The following CCDC88B variants were observed in gnomAD, a reference collection of about 807,000 sequenced individuals.
CCDC88B encodes the protein coiled-coil domain-containing protein 88B.
A neutral mutation model predicts 183.7 loss-of-function variants in CCDC88B; 138 were observed. The ratio of observed to expected loss-of-function variants is 0.75; its 90% confidence interval spans 0.65 to 0.87. CCDC88B has a LOEUF of 0.87. CCDC88B is among the 40% of genes least tolerant of loss of function. CCDC88B has a pLI of 0.00. For synonymous variants in CCDC88B, 835 were observed against 867.5 expected, an observed-to-expected ratio of 0.96 and a Z score of 0.66; for missense variants, 1,822 against 1,965.6, an observed-to-expected ratio of 0.93 and a Z score of 1.38.
In CCDC88B at chr11:64,349,353, G is replaced by A. The variant is rs186796608; in HGVS notation, c.2639G>A (p.Arg880Gln). 1.9e-5 allele frequency: 30 copies of A among 1,611,534 alleles called. No individual in the cohort carries two copies. In the East Asian group the frequency reaches 3.6e-4, roughly 19 times the overall value. Reference protein sequence around the residue: ...LQAELEKAVVRGKELGDRLEH... With the variant: ...LQAELEKAVVQGKELGDRLEH... ...CAGGAGCTGGAGAAAGCTGTGGTGC[G>A]GGGCAAGGAGTTGGGGGACCGGCTG... Residue 880 changes from arginine to glutamine, a missense_variant, in exon 15 of 27, where the codon CGG becomes CAG. By Grantham distance (43) the Arg-to-Gln change is conservative. Coordinates refer to ENST00000356786, the MANE Select transcript of CCDC88B (RefSeq NM_032251.6).
chr11:64,343,872 T>G lies in CCDC88B; in HGVS notation c.1413T>G (p.Leu471=). Residue 471 remains leucine (L), a synonymous_variant, in exon 13 of 27, where the codon CTT becomes CTG. Coordinates refer to ENST00000356786, the MANE Select transcript of CCDC88B (RefSeq NM_032251.6). The part of the protein sequence containing the change: ...LRTLERENRE[L]RGLLQVLQGQ... ...CCCTTGAGAGGGAGAACCGGGAGCT[T>G]CGGGGGCTGCTTCAGGTGCTTCAGG... The G allele has an allele frequency of 1.9e-6, 3 of 1,605,418 alleles. No homozygotes were observed. The highest frequency in any genetic ancestry group is 2.6e-6 in the Non-Finnish European group (3 of 1,176,378).
Position 64,353,980 on chromosome 11 carries a change from C to T in CCDC88B, c.3933-24C>T, listed in dbSNP as rs370555215. The T allele has an allele frequency of 1.1e-5, 17 of 1,512,436 alleles. No homozygotes were observed. The African/African-American group carries it at 2.1e-4, about 19-fold the overall frequency. 93.7% of individuals were successfully genotyped at this position (1,512,436 alleles called of 1,614,324 possible). A position where few individuals can be genotyped will look rare whatever the true frequency, so the allele number is the denominator to read the frequency against. Reference sequence around the variant, plus strand: ...CCCTCCCTCCTCCCTGTCCTGACCCCCTCTTGTGCCCTCTTGCCCCCAGGA... The same window carrying T: ...CCCTCCCTCCTCCCTGTCCTGACCCTCTCTTGTGCCCTCTTGCCCCCAGGA... On this transcript the variant is annotated intron_variant, in intron 23 of 26. Coordinates refer to ENST00000356786, the MANE Select transcript of CCDC88B (RefSeq NM_032251.6).
At position 64,352,746 on chromosome 11, in the gene CCDC88B, A is replaced by G. The variant is rs1187996643; in HGVS notation, c.3359A>G (p.His1120Arg). ...ELAHRELQGR[H>R]EQLQAQRASV... ...TCTTAGCCCCTTGTCCATCCCAGGCACGAGCAGCTGCAGGCCCAGCGGGCC... is the reference window on the plus strand; with the variant it reads ...TCTTAGCCCCTTGTCCATCCCAGGCGCGAGCAGCTGCAGGCCCAGCGGGCC... The change falls in exon 20 of 27, where the codon CAC (histidine) becomes CGC (arginine). Residue 1120 changes from histidine to arginine, a missense_variant and splice_region_variant. Coordinates refer to ENST00000356786, the MANE Select transcript of CCDC88B (RefSeq NM_032251.6). 2 of 1,613,494 alleles carry G rather than the reference A, an allele frequency of 1.2e-6. No homozygotes were observed. The highest frequency in any genetic ancestry group is 4.5e-5 in the East Asian group (2 of 44,882).
Position 64,343,898 on chromosome 11 carries a change from G to T in CCDC88B, c.1439G>T (p.Gly480Val). 6.2e-7 allele frequency: 1 copy of T among 1,604,214 alleles called. No individual in the cohort carries two copies. The change falls in exon 13 of 27, where the codon GGG (glycine) becomes GTG (valine). Residue 480 changes from glycine to valine, a missense_variant. Gly to Val is a moderately radical substitution (Grantham distance 109). Coordinates refer to ENST00000356786, the MANE Select transcript of CCDC88B (RefSeq NM_032251.6). Reference sequence around the variant, plus strand: ...CGGGGGCTGCTTCAGGTGCTTCAGGGGCAGCCAGGGGGCCAGGTAAGTCCC... The same window carrying T: ...CGGGGGCTGCTTCAGGTGCTTCAGGTGCAGCCAGGGGGCCAGGTAAGTCCC... ...ELRGLLQVLQ[G>V]QPGGQHPLLE...
At position 64,351,596 on chromosome 11, in the gene CCDC88B, G is replaced by C. The variant is rs1004314710; in HGVS notation, c.3079G>C (p.Glu1027Gln). 1 of 1,564,846 alleles carries C rather than the reference G, an allele frequency of 6.4e-7. No individual in the cohort carries two copies. Among genetic ancestry groups the C allele is most frequent in the South Asian group, 1.2e-5 (1 of 86,794 alleles). ...GCTGCTGCAGAGCCAGCGGGCGCAGGAGCACAGCAGCCGCCTGCAGGTGGG... is the reference window on the plus strand; with the variant it reads ...GCTGCTGCAGAGCCAGCGGGCGCAGCAGCACAGCAGCCGCCTGCAGGTGGG... Reference protein sequence around the residue: ...ELLLQSQRAQEHSSRLQAEKS... With the variant: ...ELLLQSQRAQQHSSRLQAEKS... Residue 1027 changes from glutamate to glutamine, a missense_variant, in exon 18 of 27, where the codon GAG becomes CAG. Physicochemically the swap from Glu to Gln is conservative, Grantham distance 29 (BLOSUM62 2). Transcript: ENST00000356786.
intron 8 of CCDC88B, 67 bp downstream of exon 8, chr11:64,342,206 A>C: frequency 6.3e-7 from 1 of 1,588,146 alleles, no homozygotes. Flanking sequence ...ATGGGACCCT[A>C]GCCCTGGTGG....
rs1327080153 is a variant in CCDC88B at position 64,344,488 on chromosome 11, G to C, written c.1947G>C (p.Lys649Asn). The C allele has an allele frequency of 2.5e-6, 4 of 1,606,330 alleles. No homozygotes were observed. The highest frequency in any genetic ancestry group is 3.4e-6 in the Non-Finnish European group (4 of 1,176,164). Residue 649 changes from lysine to asparagine, a missense_variant, in exon 14 of 27, where the codon AAG (lysine) becomes AAC (asparagine). Transcript: ENST00000356786. The surrounding 1 kb of genome is among the most constrained non-coding windows in gnomAD (Gnocchi z 4.5). ...TGAGACAGGAGGGCCCTGAGCACAA[G>C]CCAGGGCCTTCGGAGCCCAGCTCTG... ...WGLRQEGPEH[K>N]PGPSEPSSVQ... is the part of the protein sequence containing the mutation.
Position 64,345,157 on chromosome 11 carries a change from G to A in CCDC88B, c.2616G>A (p.Ala872=), listed in dbSNP as rs750462651. The change falls in exon 14 of 27, where the codon GCG becomes GCA. Residue 872 remains alanine, a splice_region_variant and synonymous_variant. Transcript: ENST00000356786. ...RERREKEALQ[A]ELEKAVVRGK... is the part of the protein sequence containing the mutation. ...GCCGGGAGAAGGAGGCCCTCCAGGC[G>A]GTAGGTCAGGTTGGGGCTCACCGCT... 13 of 1,539,178 alleles carry A rather than the reference G, an allele frequency of 8.4e-6. No homozygotes were observed. Among genetic ancestry groups the A allele is most frequent in the Non-Finnish European group, 1.1e-5 (13 of 1,148,646 alleles).
At chr11:64,345,182 T>C in intron 14 of CCDC88B, 25 bp downstream of exon 14, 1 of 1,533,554 alleles carries the variant, frequency 6.5e-7, no homozygotes, top group Non-Finnish European at 8.7e-7. Context: ...GGCTCACCGC[T>C]GGGGTTGGGA....
chr11:64,351,200 C>T lies in CCDC88B; in HGVS notation c.2903C>T (p.Ala968Val), dbSNP rs750284475. Residue 968 changes from alanine to valine, a missense_variant, in exon 17 of 27, where the codon GCG becomes GTG. Coordinates refer to ENST00000356786, the MANE Select transcript of CCDC88B (RefSeq NM_032251.6). ...GCGGGGCTGGGGCCCAAAAAGCGTG[C>T]GGAGCCTCAGCTGGTGGAGACCCAG... ...GPAGLGPKKR[A>V]EPQLVETQNV... 1.2e-5 allele frequency: 18 copies of T among 1,521,356 alleles called. No homozygotes were observed. The highest frequency in any genetic ancestry group is 2.3e-5 in the Admixed American group (1 of 43,630). The allele number at this position is 1,521,356 out of a possible 1,614,324, so 94.2% of individuals were successfully genotyped here.
intron 14 of CCDC88B, among the ~76,000 whole-genome samples, chr11:64,348,012 T>G (rs899674859): frequency 1.6e-5 from 2 of 128,434 alleles, no homozygotes; most frequent in African/African-American, 3.0e-5. Context: ...ATCGCGCCAC[T>G]GCAGTCCAGT....
rs748413045 is a variant in CCDC88B at position 64,354,051 on chromosome 11, G to T, written c.3980G>T (p.Arg1327Leu). Reference sequence around the variant, plus strand: ...AAGGTGAAGAGGCTGATGCGGCCCCGGCGGGAGGGGGGCCCCCCTGGGGGG... The same window carrying T: ...AAGGTGAAGAGGCTGATGCGGCCCCTGCGGGAGGGGGGCCCCCCTGGGGGG... ...ADKVKRLMRP[R>L]REGGPPGGLR... The change falls in exon 24 of 27, where the codon CGG (arginine) becomes CTG (leucine). Residue 1327 changes from arginine (R) to leucine (L), a missense_variant. Arg to Leu is a moderately radical substitution (Grantham distance 102). Coordinates refer to ENST00000356786, the MANE Select transcript of CCDC88B (RefSeq NM_032251.6). The T allele has an allele frequency of 2.3e-5, 33 of 1,450,120 alleles. No individual in the cohort carries two copies. The highest frequency in any genetic ancestry group is 3.0e-5 in the Non-Finnish European group (33 of 1,095,810). The allele number at this position is 1,450,120 out of a possible 1,614,324, so 89.8% of individuals were successfully genotyped here.
At chr11:64,346,353 C>T (rs1247329475) in intron 14 of CCDC88B, among the ~76,000 whole-genome samples, 2 of 152,136 alleles carry the variant, frequency 1.3e-5, no homozygotes, top group Non-Finnish European at 2.9e-5. Context: ...ATTGCAACCT[C>T]CGCCTCTCAG....
chr11:64,351,439 C>G (rs773855697), intron 17 of CCDC88B, 37 bp from the exon 18 acceptor site: 1 of 1,563,316 alleles, frequency 6.4e-7, no homozygotes, highest in Non-Finnish European at 8.6e-7. Context: ...GGGGTGCCCC[C>G]GCCACCTGGC....
chr11:64,355,178 C>A lies in CCDC88B; in HGVS notation c.4100-16C>A. 6 of 1,447,470 alleles carry A rather than the reference C, an allele frequency of 4.1e-6. No homozygotes were observed. The South Asian group carries it at 9.3e-5, about 22-fold the overall frequency. The allele number at this position is 1,447,470 out of a possible 1,614,324, so 89.7% of individuals were successfully genotyped here. On this transcript the variant is annotated splice_polypyrimidine_tract_variant and intron_variant, in intron 24 of 26. Coordinates refer to ENST00000356786, the MANE Select transcript of CCDC88B (RefSeq NM_032251.6). ...GTCCCCTCCTCTCACCCCCTCCCTG[C>A]ATGTACCTCTTGCAGGGTCCCCTTC...
Position 64,340,736 on chromosome 11 carries a change from C to T in CCDC88B, c.190C>T (p.Arg64Trp). 6.2e-7 allele frequency: 1 copy of T among 1,610,484 alleles called. No individual in the cohort carries two copies. The highest frequency in any genetic ancestry group is 8.5e-7 in the Non-Finnish European group (1 of 1,178,896). The change falls in exon 2 of 27, where the codon CGG becomes TGG. Residue 64 changes from arginine (R) to tryptophan (W), a missense_variant. Transcript: ENST00000356786. ...LRLSDGALLL[R>W]VLGIIAPSSR... is the part of the protein sequence containing the mutation. ...CCTCAGCGATGGGGCCCTGCTCCTCCGGGTGCTGGGCATCATGTAAGGGGC... is the reference window on the plus strand; with the variant it reads ...CCTCAGCGATGGGGCCCTGCTCCTCTGGGTGCTGGGCATCATGTAAGGGGC...
At position 64,342,578 on chromosome 11, in the gene CCDC88B, G is replaced by C; in HGVS notation, c.960G>C (p.Glu320Asp). Residue 320 changes from glutamate (E) to aspartate (D), a missense_variant, in exon 10 of 27, where the codon GAG (glutamate) becomes GAC (aspartate). By Grantham distance (45) the Glu-to-Asp change is conservative. Transcript: ENST00000356786. ...CCGAGCTGTACCGCGAGGAGGCAGA[G>C]GCGCTGCGGGAGCGGGCCGGCCGCC... ...KRAELYREEAEALRERAGRLP... is the reference protein window; with the variant it reads ...KRAELYREEADALRERAGRLP... 1 of 1,531,450 alleles carries C rather than the reference G, an allele frequency of 6.5e-7. No homozygotes were observed. The highest frequency in any genetic ancestry group is 8.7e-7 in the Non-Finnish European group (1 of 1,145,356). 94.9% of individuals were successfully genotyped at this position (1,531,450 alleles called of 1,614,324 possible).
intron 22 of CCDC88B, 55 bp downstream of exon 22, chr11:64,353,551 G>T: frequency 6.3e-7 from 1 of 1,590,742 alleles, no homozygotes; most frequent in Non-Finnish European, 8.6e-7. Context: ...GGGCGTTCCT[G>T]GGGAGAGCCC....
intron 18 of CCDC88B, 143 bp from the exon 19 acceptor site, chr11:64,351,987 C>A: frequency 8.2e-7 from 1 of 1,218,988 alleles, no homozygotes; most frequent in Non-Finnish European, 1.1e-6. Flanking sequence ...CTTGTACTGC[C>A]TGCTGTGCCC....
Sources: allele counts gnomAD v4.1 joint callset (sites outside exome capture counted in the v4.1 genomes callset), GRCh38; gene constraint gnomAD v4.1.1; non-coding constraint Gnocchi (gnomAD v3.1); transcripts MANE v1.5; gene names NCBI Gene and HGNC (gene_info 2026-07-23, HGNC 2026-07-21).